The following ANXA2 variants were observed in gnomAD, a reference collection of about 807,000 sequenced individuals.
ANXA2 encodes the protein annexin A2, also known as annexin II.
A neutral mutation model predicts 47.3 loss-of-function variants in ANXA2; 28 were observed. That is an observed-to-expected ratio of 0.59 (90% confidence interval 0.44 to 0.81). The LOEUF is 0.81. ANXA2 is among the 40% of genes least tolerant of loss of function. ANXA2 has a pLI of 0.00. For missense variants in ANXA2, 384 were observed against 414.3 expected, an observed-to-expected ratio of 0.93 and a Z score of 0.64; for synonymous variants, 172 against 155.5, an observed-to-expected ratio of 1.11 and a Z score of -0.79.
At chr15:60,379,178 C>T (rs915713950) in intron 3 of ANXA2, among the ~76,000 whole-genome samples, 7 of 151,118 alleles carry the variant, frequency 4.6e-5, no homozygotes, top group Admixed American at 1.3e-4. Context: ...ACTCGGGAGG[C>T]TGAGGCAGAG....
chr15:60,358,963 A>T (rs1360886374), intron 5 of ANXA2, among the ~76,000 whole-genome samples: 1 of 152,204 alleles, frequency 6.6e-6, no homozygotes, highest in East Asian at 1.9e-4. Flanking sequence ...TGACCTTGGC[A>T]ATTTCCAAAG....
intron 11 of ANXA2, among the ~76,000 whole-genome samples, chr15:60,350,544 C>T: frequency 6.6e-6 from 1 of 152,142 alleles, no homozygotes; most frequent in East Asian, 1.9e-4. Context: ...AGAGGCAGCA[C>T]AGACAAGGGA....
At chr15:60,363,967 CTGT>C (rs923450167) in intron 4 of ANXA2, among the ~76,000 whole-genome samples, 4 of 152,132 alleles carry the variant, frequency 2.6e-5, no homozygotes, top group Non-Finnish European at 4.4e-5. Context: ...TAAATGGTGC[CTGT>C]TGTTGTTATT....
chr15:60,350,797 T>C (rs1370232725), intron 11 of ANXA2, among the ~76,000 whole-genome samples: 1 of 152,192 alleles, frequency 6.6e-6, no homozygotes. Flanking sequence ...GAGGTTGTTA[T>C]GCAATGATTT....
At chr15:60,356,174 T>G (rs978261253) in intron 6 of ANXA2, among the ~76,000 whole-genome samples, 176 bp from the exon 7 acceptor site, 1 of 152,104 alleles carries the variant, frequency 6.6e-6, no homozygotes, top group Admixed American at 6.5e-5. Context: ...TTCGCCCTCA[T>G]GAAATCAGAG....
intron 3 of ANXA2, among the ~76,000 whole-genome samples, chr15:60,365,796 A>G (rs926088537): frequency 6.6e-6 from 1 of 151,598 alleles, no homozygotes; most frequent in South Asian, 2.1e-4. Flanking sequence ...AGAGTAGCCA[A>G]GGTAAACATA....
intron 1 of ANXA2, chr15:60,393,176 C>T: frequency 2.4e-5 from 30 of 1,225,046 alleles, no homozygotes; most frequent in Non-Finnish European, 3.1e-5. Flanking sequence ...ACACACAGCA[C>T]TTGCTCCAGC....
At chr15:60,368,565 T>TA (rs749300788) in intron 3 of ANXA2, among the ~76,000 whole-genome samples, 124 of 140,322 alleles carry the variant, frequency 8.8e-4, no homozygotes, top group South Asian at 2.3e-3. Context: ...TACTGTTAAG[T>TA]AAAAAAAAAA....
intron 2 of ANXA2, chr15:60,385,504 T>G (rs2062920993): frequency 6.6e-6 from 1 of 152,398 alleles, no homozygotes; most frequent in African/African-American, 2.4e-5. Context: ...AGGTGGAGGT[T>G]GCAGTGAGCC....
intron 3 of ANXA2, among the ~76,000 whole-genome samples, chr15:60,370,622 G>A (rs746520655): frequency 1.3e-4 from 20 of 152,218 alleles, no homozygotes; most frequent in Admixed American, 2.6e-4. Context: ...TGAAGGACTC[G>A]GACGGAACCT....
intron 2 of ANXA2, chr15:60,383,770 A>G (rs779258868): frequency 7.1e-6 from 1 of 139,916 alleles, no homozygotes; most frequent in South Asian, 2.4e-4. Context: ...GCCTTGGCGC[A>G]GTTTCTGTGA....
At chr15:60,385,732 T>C (rs114881087) in intron 2 of ANXA2, 1 of 314,500 alleles carries the variant, frequency 3.2e-6, no homozygotes, top group Admixed American at 4.6e-5. Flanking sequence ...TCATGTACCA[T>C]CATAACAGTT....
At chr15:60,348,977 C>T in intron 12 of ANXA2, 98 bp downstream of exon 12, 1 of 1,446,364 alleles carries the variant, frequency 6.9e-7, no homozygotes, top group Non-Finnish European at 9.6e-7. Context: ...AGTCAGAAAA[C>T]AGAAAATCGC....
At chr15:60,387,178 G>A (rs1422199257) in intron 1 of ANXA2, 1 of 152,246 alleles carries the variant, frequency 6.6e-6, no homozygotes, top group Non-Finnish European at 1.5e-5. Flanking sequence ...GTGGGGAAAT[G>A]TAAGAGGAGA....
In ANXA2 at chr15:60,352,397, G is replaced by T; in HGVS notation, c.668C>A (p.Pro223His). 6.2e-7 allele frequency: 1 copy of T among 1,613,388 alleles called. No individual in the cohort carries two copies. The change falls in exon 9 of 13, where the codon CCC becomes CAC. Residue 223 changes from proline to histidine, a missense_variant. Coordinates refer to ENST00000451270, the MANE Select transcript of ANXA2 (RefSeq NM_004039.3). This position sits in a 1 kb window ranked among gnomAD's most constrained non-coding sequence, Gnocchi z 4.2. ...WISIMTERSV[P>H]HLQKVFDRYK... Reference sequence around the variant, plus strand: ...ACAGTGCCCACCTTTCTGGAGGTGGGGCACGCTCCGCTCGGTCATGATGCT... The same window carrying T: ...ACAGTGCCCACCTTTCTGGAGGTGGTGCACGCTCCGCTCGGTCATGATGCT...
chr15:60,390,176 A>G, intron 1 of ANXA2: 1 of 732,644 alleles, frequency 1.4e-6, no homozygotes, highest in Non-Finnish European at 1.7e-6. Flanking sequence ...AAAAAAACAA[A>G]ACACAAACAT....
intron 3 of ANXA2, chr15:60,374,573 A>C (rs1212782313): frequency 1.8e-5 from 8 of 455,724 alleles, no homozygotes; most frequent in Non-Finnish European, 2.6e-5. Flanking sequence ...GTTTTTTAAA[A>C]AAAGAAAGAG....
chr15:60,391,559 C>T (rs2063010823), intron 1 of ANXA2, among the ~76,000 whole-genome samples: 1 of 152,126 alleles, frequency 6.6e-6, no homozygotes, highest in Non-Finnish European at 1.5e-5. Context: ...TACTGGGGAA[C>T]CTATGAGCCA....
At chr15:60,349,859 C>A (rs564352500) in intron 11 of ANXA2, among the ~76,000 whole-genome samples, 23 of 105,182 alleles carry the variant, frequency 2.2e-4, no homozygotes, top group Admixed American at 6.6e-4. Flanking sequence ...GAGGTGAAGG[C>A]AGGGAGGCAG....
Sources: gnomAD v4.1 joint callset for allele counts (sites outside exome capture counted in the v4.1 genomes callset) on GRCh38, gnomAD v4.1.1 for gene constraint, Gnocchi (gnomAD v3.1) non-coding constraint, MANE v1.5 for transcripts, NCBI Gene and HGNC (gene_info 2026-07-23, HGNC 2026-07-21) for gene names.